The following ASIC2 variants were observed in gnomAD, a reference collection of about 807,000 sequenced individuals.
ASIC2 encodes acid-sensing ion channel 2.
ASIC2 carries 25 observed loss-of-function variants against 57.3 expected under a neutral mutation model. The ratio of observed to expected loss-of-function variants is 0.44; its 90% CI spans 0.32 to 0.61. The LOEUF (loss-of-function observed/expected upper bound fraction) is 0.61. ASIC2 is among the 20% of genes least tolerant of loss of function. The pLI is 0.06. For missense variants in ASIC2, 641 were observed against 738.1 expected (o/e 0.87, Z 1.52); for synonymous variants, 319 against 307.5 (o/e 1.04, Z -0.39).
intron 1 of ASIC2, among the ~76,000 whole-genome samples, chr17:34,106,413 A>G (rs534583226): frequency 2.0e-5 from 3 of 152,208 alleles, no homozygotes; most frequent in Admixed American, 6.5e-5. Flanking sequence ...ATGATCACAA[A>G]ATGATGATTT....
At chr17:33,952,852 AT>A (rs1403476184) in intron 1 of ASIC2, among the ~76,000 whole-genome samples, 1 of 152,214 alleles carries the variant, frequency 6.6e-6, no homozygotes, top group Non-Finnish European at 1.5e-5. Flanking sequence ...ATGTCAGAAA[AT>A]TGTTTCATAG....
chr17:33,453,996 ATAGT>A (rs1454166251), intron 1 of ASIC2, among the ~76,000 whole-genome samples: 1 of 152,196 alleles, frequency 6.6e-6, no homozygotes, highest in Non-Finnish European at 1.5e-5. Context: ...TGGTTGTAAC[ATAGT>A]TTGTTTACCC....
intron 1 of ASIC2, among the ~76,000 whole-genome samples, chr17:34,117,378 T>C (rs1405852851): frequency 2.0e-5 from 3 of 152,004 alleles, no homozygotes; most frequent in Non-Finnish European, 2.9e-5. Flanking sequence ...CGGCATATGG[T>C]TGGGGTTTTG....
rs184984705 is a variant in ASIC2, at chr17:33,989,230, T to A, written c.555+166748A>T. On this transcript the variant is annotated intron_variant, in intron 1 of 9. Coordinates refer to the ASIC2 transcript ENST00000359872. ...CAAGAGCTGGGGAAGGTTTTTTGAG[T>A]TTAGAGATGAAGAAGAAAGCCCTTG... 1.1e-3 allele frequency among the ~76,000 whole-genome samples: 165 copies of A among 152,044 alleles called. 1 individual carries two copies. Among genetic ancestry groups the A allele is most frequent in the East Asian group, 7.0e-3 (36 of 5,150 alleles).
intron 3 of ASIC2, among the ~76,000 whole-genome samples, chr17:33,064,606 G>T (rs8066516): frequency 3.3e-5 from 5 of 152,174 alleles, no homozygotes; most frequent in East Asian, 1.9e-4. Context: ...TGCCCCTACT[G>T]GGGGGTGCAT....
intron 1 of ASIC2, among the ~76,000 whole-genome samples, chr17:33,425,385 G>A (rs964988163): frequency 6.6e-6 from 1 of 152,154 alleles, no homozygotes; most frequent in Non-Finnish European, 1.5e-5. Flanking sequence ...TATAGTCTCT[G>A]TAGAGTACAG....
At chr17:34,133,698 C>G (rs11650785) in intron 1 of ASIC2, among the ~76,000 whole-genome samples, 55,593 of 152,148 alleles carry the variant, frequency 0.37, 10,435 homozygotes, top group Middle Eastern at 0.46. Context: ...CTAAGGGCCA[C>G]CTGCTGTATG....
chr17:33,996,434 C>T (rs1381853986), intron 1 of ASIC2, among the ~76,000 whole-genome samples: 1 of 152,156 alleles, frequency 6.6e-6, no homozygotes, highest in Non-Finnish European at 1.5e-5. Flanking sequence ...CCTAGGCCAA[C>T]ACCAACAAGC....
intron 1 of ASIC2, among the ~76,000 whole-genome samples, chr17:34,008,797 G>A (rs1305070844): frequency 6.6e-6 from 1 of 152,232 alleles, no homozygotes; most frequent in Admixed American, 6.5e-5. Flanking sequence ...AGCGAAGGCT[G>A]CAGCTCCCCT....
chr17:34,080,027 A>G (rs1909820044), intron 1 of ASIC2, among the ~76,000 whole-genome samples: 1 of 152,148 alleles, frequency 6.6e-6, no homozygotes, highest in Non-Finnish European at 1.5e-5. Context: ...TGAACTCCTG[A>G]GCTGATGGCT....
At chr17:33,482,800 G>A (rs1405388126) in intron 1 of ASIC2, among the ~76,000 whole-genome samples, 2 of 152,330 alleles carry the variant, frequency 1.3e-5, no homozygotes, top group East Asian at 3.9e-4. Context: ...CTGAGAGGGC[G>A]ACTTGCCAGC....
chr17:33,604,590 A>C (rs1047730049), intron 1 of ASIC2, among the ~76,000 whole-genome samples: 3 of 152,172 alleles, frequency 2.0e-5, no homozygotes, highest in Non-Finnish European at 4.4e-5. Context: ...CCAAACTGAC[A>C]GGGCATTCCA....
At chr17:33,322,860 G>A (rs931707141) in intron 1 of ASIC2, among the ~76,000 whole-genome samples, 2 of 152,180 alleles carry the variant, frequency 1.3e-5, no homozygotes, top group South Asian at 4.2e-4. Context: ...CATGAAAGAT[G>A]AGCAAAGATT....
intron 1 of ASIC2, among the ~76,000 whole-genome samples, chr17:33,761,427 C>T (rs139374509): frequency 6.6e-6 from 1 of 152,232 alleles, no homozygotes; most frequent in African/African-American, 2.4e-5. Context: ...GGGAAGGCTG[C>T]CTGAACTCAT....
At chr17:33,426,099 G>C (rs907068703) in intron 1 of ASIC2, among the ~76,000 whole-genome samples, 1 of 152,162 alleles carries the variant, frequency 6.6e-6, no homozygotes. Context: ...ACAATGAAGG[G>C]TTGTTGAGGC....
At chr17:33,661,417 C>T (rs1248895520) in intron 1 of ASIC2, among the ~76,000 whole-genome samples, 3 of 152,196 alleles carry the variant, frequency 2.0e-5, no homozygotes, top group Non-Finnish European at 2.9e-5. Flanking sequence ...TGCACAATAA[C>T]GAGGGCCATC....
At chr17:34,144,965 C>T (rs1286968035) in intron 1 of ASIC2, among the ~76,000 whole-genome samples, 3 of 152,174 alleles carry the variant, frequency 2.0e-5, no homozygotes, top group African/African-American at 7.2e-5. Flanking sequence ...AGTCCATAAA[C>T]CTCTCAGTCT....
chr17:33,305,499 G>A (rs925449462), intron 1 of ASIC2, among the ~76,000 whole-genome samples: 2 of 152,196 alleles, frequency 1.3e-5, no homozygotes, highest in African/African-American at 4.8e-5. Flanking sequence ...CTGGTAGCTA[G>A]AATGTATAGC....
At chr17:34,069,281 TCTTC>T (rs1195427880) in intron 1 of ASIC2, 6 of 137,816 alleles carry the variant, frequency 4.4e-5, no homozygotes, top group Non-Finnish European at 7.7e-5. Context: ...TTCCTTTCCT[TCTTC>T]CTTTCTTTCC....
Sources: allele counts gnomAD v4.1 joint callset (sites outside exome capture counted in the v4.1 genomes callset), GRCh38; gene constraint gnomAD v4.1.1; transcripts MANE v1.5; gene names NCBI Gene and HGNC (gene_info 2026-07-23, HGNC 2026-07-21).